Variants in MALRD1 observed in about 807,000 individuals in gnomAD.
The protein encoded by MALRD1 is MAM and LDL receptor class A domain containing 1.
A neutral mutation model predicts 242.1 loss-of-function variants in MALRD1; 247 were observed. The observed-to-expected ratio is 1.02, with a 90% CI of 0.92 to 1.13. The LOEUF (loss-of-function observed/expected upper bound fraction) is 1.13. MALRD1 is among the 50% of genes most tolerant of loss of function. The probability of loss-of-function intolerance (pLI) is 0.00; values close to 1 mark genes in which losing one functional copy is unlikely to be tolerated. For missense variants in MALRD1, 2,989 were observed against 2,533.1 expected (o/e 1.18, Z -3.86); for synonymous variants, 995 against 866.6 (o/e 1.15, Z -2.60).
intron 36 of MALRD1, among the ~76,000 whole-genome samples, chr10:19,622,398 A>G (rs1008876163): frequency 6.6e-6 from 1 of 151,754 alleles, no homozygotes. Flanking sequence ...AGAAAATATT[A>G]GAAATACATT....
At chr10:19,486,468 C>T (rs966474610) in intron 29 of MALRD1, among the ~76,000 whole-genome samples, 1 of 152,170 alleles carries the variant, frequency 6.6e-6, no homozygotes, top group African/African-American at 2.4e-5. Flanking sequence ...TGGAATTTCA[C>T]TAGGTCTTCC....
intron 11 of MALRD1, among the ~76,000 whole-genome samples, chr10:19,146,670 T>C (rs888645146): frequency 6.6e-6 from 1 of 152,216 alleles, no homozygotes; most frequent in East Asian, 1.9e-4. Context: ...GCAATCCAAT[T>C]TTTTCAAAAC....
chr10:19,636,969 T>C (rs1185326473), intron 36 of MALRD1, among the ~76,000 whole-genome samples: 1 of 151,712 alleles, frequency 6.6e-6, no homozygotes, highest in Non-Finnish European at 1.5e-5. Context: ...TGTCAATAAA[T>C]TTTAAAACTA....
chr10:19,699,337 A>AAAGGTAGGAGG (rs1564551224), intron 38 of MALRD1, among the ~76,000 whole-genome samples: 51 of 139,262 alleles, frequency 3.7e-4, no homozygotes, highest in African/African-American at 1.5e-3. Context: ...GGTAGGAGGG[A>AAAGGTAGGAGG]GGAAATTGTA....
chr10:19,413,050 T>A (rs578022727), intron 28 of MALRD1, among the ~76,000 whole-genome samples: 1 of 152,136 alleles, frequency 6.6e-6, no homozygotes, highest in East Asian at 1.9e-4. Flanking sequence ...AGAAAAAAAA[T>A]AATAGTTAAC....
chr10:19,309,807 G>A (rs552957562), intron 21 of MALRD1, among the ~76,000 whole-genome samples: 1 of 151,558 alleles, frequency 6.6e-6, no homozygotes, highest in African/African-American at 2.4e-5. Flanking sequence ...GGCTAGGATG[G>A]GGGCTATATT....
intron 2 of MALRD1, among the ~76,000 whole-genome samples, chr10:19,077,264 T>C (rs1382149732): frequency 6.6e-6 from 1 of 152,000 alleles, no homozygotes; most frequent in African/African-American, 2.4e-5. Flanking sequence ...TCTAATTCTG[T>C]AGGTTTACAG....
chr10:19,237,620 T>TATATA (rs1838400609), intron 18 of MALRD1, among the ~76,000 whole-genome samples: 1 of 16,892 alleles, frequency 5.9e-5, no homozygotes, highest in South Asian at 2.2e-3. Context: ...AATTATATAA[T>TATATA]TATATAATTA....
At chr10:19,206,424 C>T (rs1040617518) in intron 17 of MALRD1, among the ~76,000 whole-genome samples, 5 of 152,076 alleles carry the variant, frequency 3.3e-5, no homozygotes, top group African/African-American at 1.2e-4. Context: ...TTTCCTAAGG[C>T]CAATTCATTT....
intron 34 of MALRD1, among the ~76,000 whole-genome samples, chr10:19,607,334 G>A (rs138339877): frequency 1.3e-5 from 2 of 152,124 alleles, no homozygotes; most frequent in Non-Finnish European, 2.9e-5. Flanking sequence ...GGCAGGTTTG[G>A]TGTCTCCTAA....
chr10:19,562,338 TAGATAGTTAGA>T (rs1564442770), intron 32 of MALRD1, among the ~76,000 whole-genome samples: 4 of 144,086 alleles, frequency 2.8e-5, no homozygotes, highest in Non-Finnish European at 4.5e-5. Context: ...GATAGATAGA[TAGATAGTTAGA>T]TAGATAGATA....
At chr10:19,655,144 C>A (rs963900859) in intron 36 of MALRD1, among the ~76,000 whole-genome samples, 24 of 151,968 alleles carry the variant, frequency 1.6e-4, no homozygotes, top group South Asian at 1.0e-3. Context: ...CATTTGAGAT[C>A]AAAAAGAAAC....
chr10:19,127,738 C>G (rs1837327424), intron 7 of MALRD1, among the ~76,000 whole-genome samples: 7 of 151,868 alleles, frequency 4.6e-5, no homozygotes, highest in Admixed American at 4.6e-4. Flanking sequence ...TATCTCATAC[C>G]TCTATGTGGC....
At chr10:19,083,085 T>G (rs928681920) in intron 2 of MALRD1, among the ~76,000 whole-genome samples, 1 of 152,004 alleles carries the variant, frequency 6.6e-6, no homozygotes, top group Non-Finnish European at 1.5e-5. Context: ...GGACTCTACC[T>G]TCAGAGTCTA....
chr10:19,187,822 T>C (rs948318905), intron 14 of MALRD1, among the ~76,000 whole-genome samples: 1 of 152,026 alleles, frequency 6.6e-6, no homozygotes, highest in East Asian at 1.9e-4. Flanking sequence ...GGTGGAGAGG[T>C]GGGTAGGTTT....
intron 38 of MALRD1, among the ~76,000 whole-genome samples, chr10:19,729,799 C>G (rs558593367): frequency 2.0e-4 from 24 of 120,646 alleles, no homozygotes; most frequent in African/African-American, 7.7e-4. Context: ...TGCAGTGGCG[C>G]GATCTCGGCT....
rs1460900170 is a variant in MALRD1 at position 19,280,189 on chromosome 10, T to C, written c.3222T>C (p.Tyr1074=). 4 of 1,526,998 alleles carry C rather than the reference T, an allele frequency of 2.6e-6. No homozygotes were observed. The Admixed American group carries it at 6.7e-5, about 26-fold the overall frequency. 94.6% of individuals were successfully genotyped at this position (1,526,998 alleles called of 1,614,324 possible). ...AAATGCAGAAATGTGATTTTAAATA[T>C]GACTGCCCTGACAAATCAGATGAAG... is the stretch of plus-strand genomic sequence containing the variant. The part of the protein sequence containing the change: ...IEKMQKCDFK[Y]DCPDKSDEAS... Residue 1074 remains tyrosine, a synonymous_variant, in exon 20 of 40, where the codon TAT becomes TAC. Transcript: ENST00000454679.
chr10:19,176,230 TTCTTACA>T (rs1835224504), intron 14 of MALRD1, among the ~76,000 whole-genome samples: 8 of 152,072 alleles, frequency 5.3e-5, no homozygotes, highest in Admixed American at 5.2e-4. Flanking sequence ...AACAGTTGTA[TTCTTACA>T]GGAGCTGAAT....
intron 38 of MALRD1, among the ~76,000 whole-genome samples, chr10:19,717,548 T>G (rs1834447994): frequency 6.6e-6 from 1 of 152,234 alleles, no homozygotes; most frequent in Admixed American, 6.5e-5. Context: ...AAAAATTCAT[T>G]AATTTAGCTT....
Sources: allele counts gnomAD v4.1 joint callset (sites outside exome capture counted in the v4.1 genomes callset), GRCh38; gene constraint gnomAD v4.1.1; transcripts MANE v1.5; gene names NCBI Gene and HGNC (gene_info 2026-07-23, HGNC 2026-07-21).